SEPTIN9: variants seen among roughly 807,000 people sequenced by gnomAD.
SEPTIN9 encodes septin-9.
A neutral mutation model predicts 56.6 loss-of-function variants in SEPTIN9; 13 were observed. The ratio of observed to expected loss-of-function variants is 0.23; its 90% CI spans 0.15 to 0.37. The LOEUF (loss-of-function observed/expected upper bound fraction) is 0.37, where lower values mean the gene tolerates loss of function less well. Ranked by LOEUF, SEPTIN9 falls within the 10% of genes least tolerant of loss-of-function variation. The probability of loss-of-function intolerance (pLI) is 1.00; values close to 1 mark genes in which losing one functional copy is unlikely to be tolerated. For missense variants in SEPTIN9, 650 were observed against 823.1 expected (o/e 0.79, Z 2.57); for synonymous variants, 332 against 334.1 (o/e 0.99, Z 0.07).
At chr17:77,373,747 C>T (rs548474771) in intron 2 of SEPTIN9, 15 of 1,150,752 alleles carry the variant, frequency 1.3e-5, no homozygotes, top group Non-Finnish European at 1.5e-5. Context: ...CGTGGGGGAC[C>T]CTGTTAGGGG....
intron 1 of SEPTIN9, among the ~76,000 whole-genome samples, chr17:77,305,097 T>C (rs1224824516): frequency 6.6e-6 from 1 of 152,160 alleles, no homozygotes; most frequent in Non-Finnish European, 1.5e-5. Context: ...CCTGGAGATC[T>C]GCGCCGAGGT....
intron 3 of SEPTIN9, among the ~76,000 whole-genome samples, chr17:77,423,070 C>G (rs2036761776): frequency 6.6e-6 from 1 of 152,108 alleles, no homozygotes; most frequent in South Asian, 2.1e-4. Context: ...CTTGCTCGCT[C>G]TGTCATCCAG....
intron 1 of SEPTIN9, among the ~76,000 whole-genome samples, chr17:77,293,695 C>T (rs2031673672): frequency 6.6e-6 from 1 of 152,210 alleles, no homozygotes; most frequent in Non-Finnish European, 1.5e-5. Flanking sequence ...TCACTACATG[C>T]AGAAGAGTAC....
chr17:77,427,107 G>A (rs531049656), intron 3 of SEPTIN9: 1 of 152,358 alleles, frequency 6.6e-6, no homozygotes, highest in East Asian at 1.9e-4. Flanking sequence ...AGAGGTCCCT[G>A]TGCTCTGGCG....
At chr17:77,296,164 C>T (rs189942769) in intron 1 of SEPTIN9, among the ~76,000 whole-genome samples, 168 of 152,194 alleles carry the variant, frequency 1.1e-3, no homozygotes, top group Non-Finnish European at 2.0e-3. Context: ...AGAGGGGCCT[C>T]GCCGGGAACT....
chr17:77,365,715 T>G (rs978187440), intron 2 of SEPTIN9, among the ~76,000 whole-genome samples: 1 of 152,164 alleles, frequency 6.6e-6, no homozygotes, highest in Non-Finnish European at 1.5e-5. Flanking sequence ...TCCACCCTCT[T>G]TCCTTCCACC....
intron 3 of SEPTIN9, among the ~76,000 whole-genome samples, chr17:77,470,470 T>A (rs2038946766): frequency 1.3e-5 from 2 of 150,034 alleles, no homozygotes; most frequent in Non-Finnish European, 1.5e-5. Context: ...ACTCATCCAC[T>A]CACCCACCCA....
At chr17:77,345,952 T>C (rs1300897930) in intron 2 of SEPTIN9, among the ~76,000 whole-genome samples, 1 of 151,822 alleles carries the variant, frequency 6.6e-6, no homozygotes. Flanking sequence ...TTGTTTTGTT[T>C]TGTTTTGTTT....
intron 3 of SEPTIN9, among the ~76,000 whole-genome samples, chr17:77,427,371 G>A (rs184475719): frequency 1.3e-5 from 2 of 152,314 alleles, no homozygotes; most frequent in East Asian, 3.9e-4. Flanking sequence ...CTGAGGCTTT[G>A]GGAAGCTGAG....
intron 2 of SEPTIN9, chr17:77,373,317 G>A: frequency 3.4e-6 from 4 of 1,163,114 alleles, no homozygotes; most frequent in Non-Finnish European, 4.2e-6. Flanking sequence ...GGGAGGGGCC[G>A]GCGCCCGCCT....
In SEPTIN9 at chr17:77,476,748, G is replaced by T. The variant is rs888586664; in HGVS notation, c.722-5396G>T. 6.6e-6 allele frequency among the ~76,000 whole-genome samples: 1 copy of T among 152,178 alleles called. No individual in the cohort carries two copies. The highest frequency in any genetic ancestry group is 1.5e-5 in the Non-Finnish European group (1 of 68,022). On this transcript the variant is annotated intron_variant, in intron 3 of 11. Transcript: ENST00000427177. This position sits in a 1 kb window ranked among gnomAD's most constrained non-coding sequence, Gnocchi z 6.0. ...AGGTCTCCCGCCACCTGACACCTCC[G>T]CCTGGCTGCCACCCTAGAAACACCC...
chr17:77,430,729 G>A (rs1035833021), intron 3 of SEPTIN9, among the ~76,000 whole-genome samples: 14 of 152,170 alleles, frequency 9.2e-5, no homozygotes, highest in Admixed American at 3.3e-4. Context: ...GGTGGCTCAC[G>A]CATGTAATCC....
At chr17:77,387,246 G>A (rs775709343) in intron 2 of SEPTIN9, among the ~76,000 whole-genome samples, 1 of 152,232 alleles carries the variant, frequency 6.6e-6, no homozygotes, top group African/African-American at 2.4e-5. Context: ...AGCTTCTGGT[G>A]GCTCCCGGGT....
intron 1 of SEPTIN9, among the ~76,000 whole-genome samples, chr17:77,285,387 G>A (rs756301493): frequency 2.0e-5 from 3 of 151,996 alleles, no homozygotes; most frequent in Non-Finnish European, 2.9e-5. Flanking sequence ...AATTACTCTG[G>A]AGATTCTTTT....
chr17:77,458,384 TGC>T (rs748162927), intron 3 of SEPTIN9, among the ~76,000 whole-genome samples: 61 of 152,348 alleles, frequency 4.0e-4, no homozygotes, highest in Middle Eastern at 3.4e-3. Flanking sequence ...GCTGTCCTTG[TGC>T]TCAGTGGAGA....
chr17:77,296,324 C>T (rs113542449), intron 1 of SEPTIN9, among the ~76,000 whole-genome samples: 4 of 152,298 alleles, frequency 2.6e-5, no homozygotes, highest in African/African-American at 9.6e-5. Context: ...TCCAGGGAGA[C>T]AGCCAATAGG....
At chr17:77,385,607 TC>T (rs1013930313) in intron 2 of SEPTIN9, among the ~76,000 whole-genome samples, 1 of 152,000 alleles carries the variant, frequency 6.6e-6, no homozygotes, top group Non-Finnish European at 1.5e-5. Context: ...CAACCTAATC[TC>T]CCCCTAGGAT....
At chr17:77,337,536 C>T (rs1198879950) in intron 2 of SEPTIN9, among the ~76,000 whole-genome samples, 1 of 151,488 alleles carries the variant, frequency 6.6e-6, no homozygotes, top group African/African-American at 2.4e-5. Flanking sequence ...GGAAGTGTTC[C>T]CTTCTCTTTG....
chr17:77,395,123 C>T (rs117843724), intron 2 of SEPTIN9, among the ~76,000 whole-genome samples: 193 of 151,924 alleles, frequency 1.3e-3, no homozygotes, highest in Non-Finnish European at 2.3e-3. Flanking sequence ...GCCATTTGCC[C>T]AGGCTGGTCT....
Sources: allele counts gnomAD v4.1 joint callset (sites outside exome capture counted in the v4.1 genomes callset), GRCh38; gene constraint gnomAD v4.1.1; non-coding constraint Gnocchi (gnomAD v3.1); transcripts MANE v1.5; gene names NCBI Gene and HGNC (gene_info 2026-07-23, HGNC 2026-07-21).